The following ZNF695 variants were observed in gnomAD, a reference collection of about 807,000 sequenced individuals.
ZNF695 encodes zinc finger protein 695, also known as zinc finger protein SBZF3.
ZNF695 carries 11 observed loss-of-function variants against 11.2 expected under a neutral mutation model. The ratio of observed to expected loss-of-function variants is 0.98; its 90% confidence interval spans 0.62 to 1.62. The LOEUF is 1.62. Ranked by LOEUF, ZNF695 falls within the 40% of genes most tolerant of loss-of-function variation. ZNF695 has a pLI of 0.00. For synonymous variants in ZNF695, 190 were observed against 201.4 expected, an observed-to-expected ratio of 0.94 and a Z score of 0.48; for missense variants, 559 against 590.5, an observed-to-expected ratio of 0.95 and a Z score of 0.55.
At chr1:246,953,587 G>A (rs1351833232) in intron 5 of ZNF695, among the ~76,000 whole-genome samples, 1 of 151,370 alleles carries the variant, frequency 6.6e-6, no homozygotes, top group Admixed American at 6.6e-5. Context: ...CTCTAGCTCT[G>A]GGTGACAGAG....
At chr1:246,991,552 T>C (rs1161220555) in intron 3 of ZNF695, among the ~76,000 whole-genome samples, 2 of 152,076 alleles carry the variant, frequency 1.3e-5, no homozygotes, top group Non-Finnish European at 2.9e-5. Context: ...ATCAGGGAAA[T>C]GCAAATCAAA....
At chr1:246,992,118 C>G (rs988604338) in intron 3 of ZNF695, among the ~76,000 whole-genome samples, 1 of 151,586 alleles carries the variant, frequency 6.6e-6, no homozygotes, top group Non-Finnish European at 1.5e-5. Context: ...GAGCCGAGAT[C>G]GCGCCACTGC....
At chr1:246,973,739 C>T (rs1032577939) in intron 4 of ZNF695, among the ~76,000 whole-genome samples, 1 of 152,048 alleles carries the variant, frequency 6.6e-6, no homozygotes, top group African/African-American at 2.4e-5. Flanking sequence ...ATGAGAAAAG[C>T]GAAGATCAGA....
chr1:246,982,495 G>A (rs1445155301), downstream of ZNF695, among the ~76,000 whole-genome samples: 1 of 152,102 alleles, frequency 6.6e-6, no homozygotes, highest in Non-Finnish European at 1.5e-5. Context: ...ATTCTGACAT[G>A]TTTATTTACA....
At chr1:246,982,270 C>CAAAAAA (rs11397736), downstream of ZNF695, among the ~76,000 whole-genome samples, 1 of 111,192 alleles carries the variant, frequency 9.0e-6, no homozygotes, top group Non-Finnish European at 1.8e-5. Flanking sequence ...AACTTAGTCT[C>CAAAAAA]AAAAAAAAAA....
chr1:246,959,854 T>A lies in ZNF695; in HGVS notation c.488+7841A>T, dbSNP rs187531092. ...TCTTAGTTCTCCCTCTCCGTGGCGG[T>A]TCTGAAGATAGGCGGTGAAAGTGGA... On this transcript the variant is annotated intron_variant, in intron 5 of 5. Coordinates refer to the ZNF695 transcript ENST00000487338. Among the ~76,000 whole-genome samples the A allele has an allele frequency of 1.4e-3, 209 of 152,342 alleles. 1 individual carries two copies. The highest frequency in any genetic ancestry group is 2.4e-3 in the Admixed American group (36 of 15,302).
chr1:246,983,077 G>A (rs940413598), downstream of ZNF695, among the ~76,000 whole-genome samples: 1 of 151,838 alleles, frequency 6.6e-6, no homozygotes, highest in East Asian at 1.9e-4. Context: ...GGTGGCGGGC[G>A]CCTGCAGTCT....
rs551751178 is a variant in ZNF695, at chr1:246,959,274, C to A, written c.488+8421G>T. ...CTCCAGCCTGGATGACAGAGTGAGA[C>A]CCTGTCTCAAAAAAAAAAAAAAAAA... On this transcript the variant is annotated intron_variant, in intron 5 of 5. Coordinates refer to the ZNF695 transcript ENST00000487338. Among the ~76,000 whole-genome samples, 637 of 70,550 alleles carry A rather than the reference C, an allele frequency of 9.0e-3. 11 individuals carry two copies. Among genetic ancestry groups the A allele is most frequent in the African/African-American group, 0.037 (576 of 15,654 alleles). 46.3% of individuals were successfully genotyped at this position (70,550 alleles called of 152,430 possible). A position where few individuals can be genotyped will look rare whatever the true frequency, so the allele number is the denominator to read the frequency against.
intron 3 of ZNF695, among the ~76,000 whole-genome samples, chr1:246,995,640 G>A (rs1341578055): frequency 6.6e-6 from 1 of 151,794 alleles, no homozygotes; most frequent in Non-Finnish European, 1.5e-5. Flanking sequence ...GACGAGCTTG[G>A]CCAACATGGT....
In ZNF695 at chr1:246,999,953, G is replaced by T. The variant is rs1349326941; in HGVS notation, c.125C>A (p.Ser42Tyr). The T allele has an allele frequency of 4.3e-6, 7 of 1,614,024 alleles. No individual in the cohort carries two copies. Among genetic ancestry groups the T allele is most frequent in the Non-Finnish European group, 5.9e-6 (7 of 1,180,028 alleles). The change falls in exon 2 of 4, where the codon TCC becomes TAC. Residue 42 changes from serine (S) to tyrosine (Y), a missense_variant. Ser to Tyr is a moderately radical substitution (Grantham distance 144). Coordinates refer to ENST00000339986, the MANE Select transcript of ZNF695 (RefSeq NM_020394.5). ...VMLENYRNLI[S>Y]LGEDSFNMQF... ...CATATTGAAGCTATCCTCACCAAGG[G>T]AGATCAGGTTTCTGTAGTTCTCTAA...
At chr1:246,962,853 C>T (rs919528597) in intron 5 of ZNF695, among the ~76,000 whole-genome samples, 5 of 152,082 alleles carry the variant, frequency 3.3e-5, no homozygotes, top group African/African-American at 7.2e-5. Flanking sequence ...CCACCACGCC[C>T]GGCTAATTTT....
At chr1:246,972,841 A>C (rs942386662) in intron 4 of ZNF695, among the ~76,000 whole-genome samples, 1 of 151,816 alleles carries the variant, frequency 6.6e-6, no homozygotes, top group Non-Finnish European at 1.5e-5. Context: ...TTAGAAACGC[A>C]AAAGAACACC....
downstream of ZNF695, among the ~76,000 whole-genome samples, chr1:246,982,270 C>CAA (rs11397736): frequency 0.031 from 3,443 of 111,164 alleles, 179 homozygotes; most frequent in African/African-American, 0.11. Context: ...AACTTAGTCT[C>CAA]AAAAAAAAAA....
intron 5 of ZNF695, among the ~76,000 whole-genome samples, chr1:246,959,303 AAAAAAAAATAT>A (rs1668093467): frequency 1.4e-5 from 1 of 69,348 alleles, no homozygotes; most frequent in Non-Finnish European, 2.7e-5. Flanking sequence ...AAAAAAAAAA[AAAAAAAAATAT>A]ATATATATAT....
chr1:246,948,241 TTTTTGTA>T (rs1667787893), intron 5 of ZNF695, among the ~76,000 whole-genome samples: 1 of 151,656 alleles, frequency 6.6e-6, no homozygotes, highest in East Asian at 1.9e-4. Context: ...GCCTGGCTAA[TTTTTGTA>T]TTTTTAGTAG....
chr1:246,993,047 C>T (rs551882856), intron 3 of ZNF695, among the ~76,000 whole-genome samples: 3 of 152,212 alleles, frequency 2.0e-5, no homozygotes, highest in South Asian at 4.1e-4. Context: ...AACTGCAGTA[C>T]GAGAGATGGG....
chr1:246,969,826 A>G (rs1668381084), intron 4 of ZNF695: 1 of 152,256 alleles, frequency 6.6e-6, no homozygotes, highest in Non-Finnish European at 1.5e-5. Context: ...GAGAGAGAGC[A>G]TAGGGGGAAG....
At chr1:246,952,673 G>C (rs1018575987) in intron 5 of ZNF695, among the ~76,000 whole-genome samples, 1 of 151,502 alleles carries the variant, frequency 6.6e-6, no homozygotes, top group East Asian at 2.0e-4. Flanking sequence ...CAGCCTCCTG[G>C]GTAGCTGGGA....
At chr1:246,950,195 A>G (rs1667838029) in intron 5 of ZNF695, among the ~76,000 whole-genome samples, 1 of 152,174 alleles carries the variant, frequency 6.6e-6, no homozygotes. Flanking sequence ...GCTTAGTTTC[A>G]TAATTCGTGA....
Sources: gnomAD v4.1 joint callset for allele counts (sites outside exome capture counted in the v4.1 genomes callset) on GRCh38, gnomAD v4.1.1 for gene constraint, MANE v1.5 for transcripts, NCBI Gene and HGNC (gene_info 2026-07-23, HGNC 2026-07-21) for gene names.